CFAP74: variants seen among roughly 807,000 people sequenced by gnomAD.
The protein encoded by CFAP74 is cilia- and flagella-associated protein 74.
Under a neutral mutation model 188.9 loss-of-function variants are expected in CFAP74, and 124 were observed. That is an observed-to-expected ratio of 0.66 (90% CI 0.57 to 0.76). CFAP74 has a LOEUF of 0.76. Ranked by LOEUF, CFAP74 falls within the 30% of genes least tolerant of loss-of-function variation. The pLI is 0.00. For missense variants in CFAP74, 2,198 were observed against 2,165.2 expected, an observed-to-expected ratio of 1.02 and a Z score of -0.30; for synonymous variants, 956 against 916.7, an observed-to-expected ratio of 1.04 and a Z score of -0.77.
intron 25 of CFAP74, among the ~76,000 whole-genome samples, chr1:1,938,632 AACAC>A (rs1558002358): frequency 2.0e-5 from 3 of 151,338 alleles, no homozygotes. Context: ...GACACACACA[AACAC>A]ACACGTCTGA....
At chr1:1,978,306 C>T (rs1656580057) in intron 6 of CFAP74, among the ~76,000 whole-genome samples, 1 of 152,034 alleles carries the variant, frequency 6.6e-6, no homozygotes, top group African/African-American at 2.4e-5. Flanking sequence ...TCCCTGTTGC[C>T]TTGGGGCGAT....
chr1:1,969,495 C>T (rs1195953696), intron 10 of CFAP74, among the ~76,000 whole-genome samples: 2 of 151,464 alleles, frequency 1.3e-5, no homozygotes, highest in East Asian at 1.9e-4. Context: ...GCCCTGCCCA[C>T]TTCGCAGCCC....
chr1:1,968,684 A>T lies in CFAP74; in HGVS notation c.1196T>A (p.Ile399Asn), dbSNP rs1458849807. 6.2e-7 allele frequency: 1 copy of T among 1,613,932 alleles called. No homozygotes were observed. Among genetic ancestry groups the T allele is most frequent in the South Asian group, 1.1e-5 (1 of 91,078 alleles). ...LTLRDKTWNY[I>N]SDFCKKTTVP... ...TGTGGTCTTCTTGCAAAAGTCAGAA[A>T]TGTAGTTCCAGGTCTTGTCCCTCAG... The change falls in exon 11 of 39, where the codon ATT becomes AAT. Residue 399 changes from isoleucine to asparagine, a missense_variant. Physicochemically the swap from Ile to Asn is moderately radical, Grantham distance 149 (BLOSUM62 -3). Coordinates refer to ENST00000682832, the MANE Select transcript of CFAP74 (RefSeq NM_001304360.2). This position sits in a 1 kb window ranked among gnomAD's most constrained non-coding sequence, Gnocchi z 4.3.
At chr1:1,991,884 G>A (rs186505382) in intron 1 of CFAP74, among the ~76,000 whole-genome samples, 1 of 151,352 alleles carries the variant, frequency 6.6e-6, no homozygotes, top group Admixed American at 6.6e-5. Flanking sequence ...CTAAAAAACA[G>A]AAAAAATTAG....
At chr1:1,953,135 G>A (rs981865207) in intron 18 of CFAP74, among the ~76,000 whole-genome samples, 1 of 152,128 alleles carries the variant, frequency 6.6e-6, no homozygotes, top group Non-Finnish European at 1.5e-5. Flanking sequence ...GGAAAAAAAA[G>A]AACAAAGTTG....
Position 1,985,501 on chromosome 1 carries a change from G to A in CFAP74, c.396-11C>T, listed in dbSNP as rs749654932. On this transcript the variant is annotated splice_polypyrimidine_tract_variant and intron_variant, in intron 5 of 38. Transcript: ENST00000682832. ...CGGCCCACAGCGGCCCTGCAGTGGTGAACGGACAGGCCGGGCGTGTGTCAG... is the reference window on the plus strand; with the variant it reads ...CGGCCCACAGCGGCCCTGCAGTGGTAAACGGACAGGCCGGGCGTGTGTCAG... The A allele has an allele frequency of 2.5e-6, 4 of 1,609,120 alleles. No individual in the cohort carries two copies. In the East Asian group the frequency reaches 6.7e-5, roughly 27 times the overall value.
At chr1:1,956,578 G>A in intron 17 of CFAP74, 42 bp downstream of exon 17, 1 of 1,611,286 alleles carries the variant, frequency 6.2e-7, no homozygotes, top group Non-Finnish European at 8.5e-7. Flanking sequence ...GGATTTGGGG[G>A]GCAGGTCCCC....
At chr1:1,993,636 T>C (rs1263089087) in intron 1 of CFAP74, among the ~76,000 whole-genome samples, 1 of 150,136 alleles carries the variant, frequency 6.7e-6, no homozygotes, top group Non-Finnish European at 1.5e-5. Context: ...TTAACGCCTA[T>C]TAATCACATT....
At chr1:1,928,929 C>T (rs1368209357) in intron 26 of CFAP74, 47 bp from the exon 27 acceptor site, 2 of 1,335,810 alleles carry the variant, frequency 1.5e-6, no homozygotes, top group Admixed American at 4.0e-5. Context: ...TTCCCTCCAC[C>T]TCCCCGGAGC....
intron 1 of CFAP74, among the ~76,000 whole-genome samples, chr1:1,991,901 A>C (rs113741871): frequency 6.6e-6 from 1 of 150,396 alleles, no homozygotes; most frequent in African/African-American, 2.4e-5. Flanking sequence ...TTAGCCGGGC[A>C]TGGTGGCAGG....
intron 1 of CFAP74, among the ~76,000 whole-genome samples, chr1:1,999,326 G>A (rs1294951558): frequency 1.3e-5 from 2 of 152,154 alleles, no homozygotes; most frequent in Non-Finnish European, 2.9e-5. Context: ...ATCTTTGTCG[G>A]CACCCACCCA....
At position 1,975,183 on chromosome 1, in the gene CFAP74, G is replaced by C. The variant is rs987845858; in HGVS notation, c.501-985C>G. 6.6e-6 allele frequency among the ~76,000 whole-genome samples: 1 copy of C among 152,188 alleles called. No homozygotes were observed. Among genetic ancestry groups the C allele is most frequent in the Non-Finnish European group, 1.5e-5 (1 of 68,038 alleles). ...CGTTAAAAGCTTTTCCTGTGGAGCC[G>C]AGTCCAGTCTCTCTCCCCACTGCAA... On this transcript the variant is annotated intron_variant, in intron 6 of 38. Transcript: ENST00000682832. The surrounding 1 kb of genome is among the most constrained non-coding windows in gnomAD (Gnocchi z 4.5).
At chr1:1,945,687 G>C (rs1558010804) in intron 20 of CFAP74, among the ~76,000 whole-genome samples, 1 of 152,072 alleles carries the variant, frequency 6.6e-6, no homozygotes, top group Non-Finnish European at 1.5e-5. Context: ...AGTTAGCCAG[G>C]TGTGGTGGCA....
chr1:1,970,589 C>T (rs1655880609), intron 10 of CFAP74, 70 bp downstream of exon 10: 6 of 1,501,964 alleles, frequency 4.0e-6, no homozygotes, highest in East Asian at 2.4e-5. Context: ...GAAGCCGAAC[C>T]CCCTTGGCTC....
At chr1:1,962,390 C>T (rs529628254) in intron 14 of CFAP74, among the ~76,000 whole-genome samples, 4 of 150,690 alleles carry the variant, frequency 2.7e-5, no homozygotes, top group Admixed American at 6.6e-5. Context: ...GCAGAAGAAT[C>T]GCTTGAACCC....
intron 5 of CFAP74, 105 bp downstream of exon 5, chr1:1,986,832 T>C (rs2102103049): frequency 1.1e-6 from 1 of 894,606 alleles, no homozygotes; most frequent in Non-Finnish European, 1.7e-6. Context: ...GGCTCCTCAT[T>C]GGCCTGAACA....
rs1653479890 is a variant in CFAP74 at position 1,942,846 on chromosome 1, G to A, written c.2487-690C>T. ...CACAGCTGCCCCGGGCAATCCACGAGGGGGGACCCAGAGGGTGTGGCAGTG... is the reference window on the plus strand; with the variant it reads ...CACAGCTGCCCCGGGCAATCCACGAAGGGGGACCCAGAGGGTGTGGCAGTG... On this transcript the variant is annotated intron_variant, in intron 21 of 38. Transcript: ENST00000682832. This position sits in a 1 kb window ranked among gnomAD's most constrained non-coding sequence, Gnocchi z 4.3. 6.6e-6 allele frequency among the ~76,000 whole-genome samples: 1 copy of A among 152,170 alleles called. No individual in the cohort carries two copies. Among genetic ancestry groups the A allele is most frequent in the Non-Finnish European group, 1.5e-5 (1 of 68,018 alleles).
intron 15 of CFAP74, among the ~76,000 whole-genome samples, chr1:1,959,543 G>A (rs1654917593): frequency 6.6e-6 from 1 of 152,226 alleles, no homozygotes; most frequent in Non-Finnish European, 1.5e-5. Context: ...TGGGATTACA[G>A]GCATAAGCCA....
At chr1:1,947,782 C>T (rs990507705) in intron 18 of CFAP74, among the ~76,000 whole-genome samples, 4 of 152,234 alleles carry the variant, frequency 2.6e-5, no homozygotes, top group South Asian at 4.1e-4. Context: ...AGCGTCTGGA[C>T]GGCAGAGCTC....
Sources: gnomAD v4.1 joint callset for allele counts (sites outside exome capture counted in the v4.1 genomes callset) on GRCh38, gnomAD v4.1.1 for gene constraint, Gnocchi (gnomAD v3.1) non-coding constraint, MANE v1.5 for transcripts, NCBI Gene and HGNC (gene_info 2026-07-23, HGNC 2026-07-21) for gene names.